The following ADAMTS19 variants were observed in gnomAD, a reference collection of about 807,000 sequenced individuals.
ADAMTS19 encodes the protein ADAM metallopeptidase with thrombospondin type 1 motif 19.
Under a neutral mutation model 153.3 loss-of-function variants are expected in ADAMTS19, and 93 were observed. That is an observed-to-expected ratio of 0.61 (90% CI 0.51 to 0.72). The LOEUF (loss-of-function observed/expected upper bound fraction) is 0.72. ADAMTS19 is among the 30% of genes least tolerant of loss of function. The probability of loss-of-function intolerance (pLI) is 0.00; values close to 1 mark genes in which losing one functional copy is unlikely to be tolerated. For missense variants in ADAMTS19, 1,482 were observed against 1,552.1 expected (o/e 0.95, Z 0.76); for synonymous variants, 600 against 556.6 (o/e 1.08, Z -1.10).
Position 129,684,126 on chromosome 5 carries a change from C to T in ADAMTS19, c.2671C>T (p.Leu891=), listed in dbSNP as rs772300642. 1 of 1,613,646 alleles carries T rather than the reference C, an allele frequency of 6.2e-7. No individual in the cohort carries two copies. Among genetic ancestry groups the T allele is most frequent in the Non-Finnish European group, 8.5e-7 (1 of 1,179,860 alleles). Residue 891 remains leucine (L), a synonymous_variant, in exon 18 of 23, where the codon CTG becomes TTG. Coordinates refer to ENST00000274487, the MANE Select transcript of ADAMTS19 (RefSeq NM_133638.6). ...TTAPLHLLVL[L]FQDQNYGLHY... is the part of the protein sequence containing the mutation. Reference sequence around the variant, plus strand: ...TCATTTTTGTATACTATAGGTGCTCCTGTTTCAGGATCAGAATTATGGTCT... The same window carrying T: ...TCATTTTTGTATACTATAGGTGCTCTTGTTTCAGGATCAGAATTATGGTCT...
intron 21 of ADAMTS19, among the ~76,000 whole-genome samples, chr5:129,730,746 G>T (rs1425308820): frequency 6.6e-6 from 1 of 152,036 alleles, no homozygotes; most frequent in Non-Finnish European, 1.5e-5. Context: ...TATTGACTAA[G>T]AAATTCTACG....
chr5:129,598,266 C>CTTTCTCAG (rs988429676), intron 8 of ADAMTS19, among the ~76,000 whole-genome samples: 2 of 152,124 alleles, frequency 1.3e-5, no homozygotes, highest in Non-Finnish European at 2.9e-5. Flanking sequence ...TTAGACCCAT[C>CTTTCTCAG]TTTCTCAGTT....
chr5:129,546,381 T>C (rs1752860410), intron 6 of ADAMTS19, among the ~76,000 whole-genome samples: 1 of 150,034 alleles, frequency 6.7e-6, no homozygotes. Context: ...AAACTTAAAG[T>C]ATAATAAAAA....
At chr5:129,588,094 T>C (rs1384962970) in intron 7 of ADAMTS19, among the ~76,000 whole-genome samples, 1 of 152,194 alleles carries the variant, frequency 6.6e-6, no homozygotes, top group Non-Finnish European at 1.5e-5. Context: ...TATGAACTAC[T>C]CTACACTGTG....
chr5:129,553,926 A>T (rs115375213), intron 7 of ADAMTS19, among the ~76,000 whole-genome samples: 23 of 152,272 alleles, frequency 1.5e-4, no homozygotes, highest in Non-Finnish European at 2.8e-4. Flanking sequence ...CATGGATTCA[A>T]CCACTTGTGG....
At chr5:129,581,308 C>T (rs1325146718) in intron 7 of ADAMTS19, among the ~76,000 whole-genome samples, 1 of 151,586 alleles carries the variant, frequency 6.6e-6, no homozygotes, top group East Asian at 1.9e-4. Flanking sequence ...AGGGATTTGA[C>T]TTCTTCCTGG....
At chr5:129,504,185 C>T (rs190665686) in intron 2 of ADAMTS19, among the ~76,000 whole-genome samples, 1 of 152,228 alleles carries the variant, frequency 6.6e-6, no homozygotes, top group Admixed American at 6.5e-5. Flanking sequence ...ACTCTCCATC[C>T]TATTTGCCCC....
At position 129,737,390 on chromosome 5, in the gene ADAMTS19, A is replaced by C. The variant is rs999020067; in HGVS notation, c.*172A>C. 6.7e-5 allele frequency: 36 copies of C among 540,666 alleles called. No homozygotes were observed. Among genetic ancestry groups the C allele is most frequent in the African/African-American group, 5.8e-4 (30 of 51,466 alleles). 33.5% of individuals were successfully genotyped at this position (540,666 alleles called of 1,614,324 possible). The stretch of plus-strand genomic sequence containing the variant: ...TGGTGCTTGTTTTGGTTACACAAAC[A>C]TTTTGATTTATACTATATGGCTTCA... On this transcript the variant is annotated 3_prime_UTR_variant, in exon 23 of 23. Coordinates refer to ENST00000274487, the MANE Select transcript of ADAMTS19 (RefSeq NM_133638.6).
intron 7 of ADAMTS19, among the ~76,000 whole-genome samples, chr5:129,562,602 A>G (rs543821475): frequency 6.6e-6 from 1 of 152,288 alleles, no homozygotes; most frequent in East Asian, 1.9e-4. Flanking sequence ...AATGATTGAT[A>G]ATCAATGGGG....
At chr5:129,544,346 A>C (rs777225783) in intron 6 of ADAMTS19, among the ~76,000 whole-genome samples, 1 of 152,194 alleles carries the variant, frequency 6.6e-6, no homozygotes, top group Non-Finnish European at 1.5e-5. Flanking sequence ...GCATTTGGTG[A>C]AAGTAGCTGC....
At chr5:129,626,267 C>T (rs1454141103) in intron 10 of ADAMTS19, among the ~76,000 whole-genome samples, 2 of 152,058 alleles carry the variant, frequency 1.3e-5, no homozygotes, top group Non-Finnish European at 2.9e-5. Context: ...TGGAAAAACC[C>T]TTAGATCAGA....
At chr5:129,631,160 G>GGTT (rs374691667) in intron 10 of ADAMTS19, among the ~76,000 whole-genome samples, 7 of 127,702 alleles carry the variant, frequency 5.5e-5, no homozygotes, top group African/African-American at 8.8e-5. Context: ...AAAATTTTAG[G>GGTT]TTTTTTTTTT....
At chr5:129,636,863 T>C (rs909384673) in intron 10 of ADAMTS19, among the ~76,000 whole-genome samples, 2 of 152,224 alleles carry the variant, frequency 1.3e-5, no homozygotes, top group African/African-American at 4.8e-5. Flanking sequence ...CCGTCCTTTC[T>C]TATAAAGTCT....
At chr5:129,723,370 G>A (rs971459900) in intron 21 of ADAMTS19, among the ~76,000 whole-genome samples, 1 of 152,108 alleles carries the variant, frequency 6.6e-6, no homozygotes, top group Non-Finnish European at 1.5e-5. Flanking sequence ...TGTAGGAAAT[G>A]GCAGGAAATT....
intron 11 of ADAMTS19, among the ~76,000 whole-genome samples, chr5:129,647,055 CTTCT>C (rs1364937158): frequency 6.6e-6 from 1 of 152,006 alleles, no homozygotes; most frequent in African/African-American, 2.4e-5. Flanking sequence ...AATGACTACA[CTTCT>C]TTCTCTTATT....
At chr5:129,640,312 A>C (rs977758828) in intron 10 of ADAMTS19, among the ~76,000 whole-genome samples, 1 of 152,196 alleles carries the variant, frequency 6.6e-6, no homozygotes, top group African/African-American at 2.4e-5. Context: ...TCAGAAATCT[A>C]AAGTATAGGA....
intron 2 of ADAMTS19, among the ~76,000 whole-genome samples, chr5:129,474,911 A>G (rs1750177142): frequency 6.6e-6 from 1 of 152,178 alleles, no homozygotes; most frequent in Non-Finnish European, 1.5e-5. Context: ...TGTCTACTCA[A>G]AACTTTTGCC....
intron 6 of ADAMTS19, among the ~76,000 whole-genome samples, chr5:129,547,191 G>A (rs1180937978): frequency 6.6e-6 from 1 of 150,666 alleles, no homozygotes; most frequent in Non-Finnish European, 1.5e-5. Context: ...GTCATATGAG[G>A]ATGGAAGCAG....
chr5:129,475,996 T>A (rs1447859097), intron 2 of ADAMTS19, among the ~76,000 whole-genome samples: 2 of 152,200 alleles, frequency 1.3e-5, no homozygotes, highest in Non-Finnish European at 2.9e-5. Context: ...GAAGAGATTT[T>A]ATCTTAAACA....
Sources: allele counts gnomAD v4.1 joint callset (sites outside exome capture counted in the v4.1 genomes callset), GRCh38; gene constraint gnomAD v4.1.1; transcripts MANE v1.5; gene names NCBI Gene and HGNC (gene_info 2026-07-23, HGNC 2026-07-21).